The following AGPAT4 variants were observed in gnomAD, a reference collection of about 807,000 sequenced individuals.
AGPAT4 encodes the protein 1-acylglycerol-3-phosphate O-acyltransferase 4, also known as 1-acyl-sn-glycerol-3-phosphate acyltransferase delta.
In AGPAT4, 15 loss-of-function variants were observed where a neutral mutation model predicts 48.0. The observed-to-expected ratio is 0.31, with a 90% confidence interval of 0.21 to 0.48. AGPAT4 has a LOEUF of 0.48. AGPAT4 is among the 20% of genes least tolerant of loss of function. The pLI is 0.99. For missense variants in AGPAT4, 314 were observed against 482.5 expected, an observed-to-expected ratio of 0.65 and a Z score of 3.27; for synonymous variants, 178 against 198.7, an observed-to-expected ratio of 0.90 and a Z score of 0.88.
intron 2 of AGPAT4, among the ~76,000 whole-genome samples, chr6:161,167,643 T>G (rs1205862484): frequency 6.6e-6 from 1 of 152,120 alleles, no homozygotes; most frequent in Non-Finnish European, 1.5e-5. Flanking sequence ...CCAGTAAGCC[T>G]AGTGTTGTAG....
Position 161,270,174 on chromosome 6 carries a change from T to C in AGPAT4, c.-90+3764A>G, listed in dbSNP as rs546333197. Reference sequence around the variant, plus strand: ...AAACTGTATCTTGTTTTGCTCACAGTTGCATCTGTGGGACCTGACACCTAT... The same window carrying C: ...AAACTGTATCTTGTTTTGCTCACAGCTGCATCTGTGGGACCTGACACCTAT... On this transcript the variant is annotated intron_variant, in intron 1 of 8. Coordinates refer to ENST00000320285, the MANE Select transcript of AGPAT4 (RefSeq NM_020133.3). The surrounding 1 kb of genome is among the most constrained non-coding windows in gnomAD (Gnocchi z 5.3). 6.6e-6 allele frequency among the ~76,000 whole-genome samples: 1 copy of C among 152,362 alleles called. No homozygotes were observed. The highest frequency in any genetic ancestry group is 6.5e-5 in the Admixed American group (1 of 15,310).
intron 2 of AGPAT4, among the ~76,000 whole-genome samples, chr6:161,170,710 A>C (rs1310881877): frequency 6.6e-6 from 1 of 152,176 alleles, no homozygotes; most frequent in African/African-American, 2.4e-5. Flanking sequence ...TCCACCTGGC[A>C]GCCCCTTCTT....
rs923709444 is a variant in AGPAT4, at chr6:161,238,140, G to A, written c.-89-5838C>T. ...GTTGTTGGAGCTTCCGCTGTGGAGAGGGCACTGAGAGTCAGGCAGTCTGGC... is the reference window on the plus strand; with the variant it reads ...GTTGTTGGAGCTTCCGCTGTGGAGAAGGCACTGAGAGTCAGGCAGTCTGGC... On this transcript the variant is annotated intron_variant, in intron 1 of 8. Transcript: ENST00000320285. The surrounding 1 kb of genome is among the most constrained non-coding windows in gnomAD (Gnocchi z 5.2). Among the ~76,000 whole-genome samples the A allele has an allele frequency of 6.6e-6, 1 of 152,116 alleles. No individual in the cohort carries two copies. Among genetic ancestry groups the A allele is most frequent in the Non-Finnish European group, 1.5e-5 (1 of 68,016 alleles).
rs1417265986 is a variant in AGPAT4, at chr6:161,137,007, G to C, written c.1043-373C>G. On this transcript the variant is annotated intron_variant, in intron 8 of 8. Coordinates refer to ENST00000320285, the MANE Select transcript of AGPAT4 (RefSeq NM_020133.3). The surrounding 1 kb of genome is among the most constrained non-coding windows in gnomAD (Gnocchi z 6.1). Reference sequence around the variant, plus strand: ...AGGAAGTTAACAGGGCATGTTCAGCGAAGTTTTATAAAGAACAGACCAGGA... The same window carrying C: ...AGGAAGTTAACAGGGCATGTTCAGCCAAGTTTTATAAAGAACAGACCAGGA... 6.6e-6 allele frequency among the ~76,000 whole-genome samples: 1 copy of C among 152,196 alleles called. No homozygotes were observed. The highest frequency in any genetic ancestry group is 6.5e-5 in the Admixed American group (1 of 15,284).
chr6:161,153,476 T>C lies in AGPAT4; in HGVS notation c.534A>G (p.Thr178=), dbSNP rs2114965875. Residue 178 remains threonine (T), a synonymous_variant, in exon 5 of 9, where the codon ACA becomes ACG. Coordinates refer to ENST00000320285, the MANE Select transcript of AGPAT4 (RefSeq NM_020133.3). ...KYFFLIHCEG[T]RFTEKKHEIS... is the part of the protein sequence containing the mutation. ...TCTCATGCTTCTTCTCCGTGAACCG[T>C]GTGCCCTCACAGTGAATCAGGAACT... is the stretch of plus-strand genomic sequence containing the variant. The C allele has an allele frequency of 1.2e-6, 2 of 1,613,708 alleles. No homozygotes were observed. Among genetic ancestry groups the C allele is most frequent in the Non-Finnish European group, 1.7e-6 (2 of 1,179,890 alleles).
chr6:161,256,017 G>C lies in AGPAT4; in HGVS notation c.-90+17921C>G, dbSNP rs145944251. On this transcript the variant is annotated intron_variant, in intron 1 of 8. Coordinates refer to ENST00000320285, the MANE Select transcript of AGPAT4 (RefSeq NM_020133.3). ...CATGCTGTTTAGATGAAGGAAATGA[G>C]CTGCAGAAAGGAGTCAGGGAGTTTC... Among the ~76,000 whole-genome samples the C allele has an allele frequency of 5.1e-3, 773 of 152,254 alleles. 9 individuals carry two copies. The highest frequency in any genetic ancestry group is 0.018 in the African/African-American group (730 of 41,532).
rs895788786 is a variant in AGPAT4, at chr6:161,229,820, C to T, written c.178+2216G>A. ...TCGCTTGGCCCAAAGCCCTAGGAAG[C>T]CTTCCTCCGGGGACATAGGCAAAGG... is the stretch of plus-strand genomic sequence containing the variant. On this transcript the variant is annotated intron_variant, in intron 2 of 8. Coordinates refer to ENST00000320285, the MANE Select transcript of AGPAT4 (RefSeq NM_020133.3). The surrounding 1 kb of genome is among the most constrained non-coding windows in gnomAD (Gnocchi z 6.0). 7.9e-5 allele frequency among the ~76,000 whole-genome samples: 12 copies of T among 152,134 alleles called. No homozygotes were observed. Among genetic ancestry groups the T allele is most frequent in the African/African-American group, 2.9e-4 (12 of 41,420 alleles).
chr6:161,153,969 G>A (rs568582462), intron 4 of AGPAT4, 180 bp downstream of exon 4: 110 of 806,516 alleles, frequency 1.4e-4, no homozygotes, highest in African/African-American at 7.9e-4. Context: ...GTGGCCCCAC[G>A]GTCACACACG....
rs889630026 is a variant in AGPAT4, at chr6:161,161,209, G to A, written c.348+5039C>T. ...CTGCCAGAGGATCCTGGTCAACAAA[G>A]AAGAAGACCCCGGTGTGTCCAACGT... On this transcript the variant is annotated intron_variant, in intron 3 of 8. Transcript: ENST00000320285. This position sits in a 1 kb window ranked among gnomAD's most constrained non-coding sequence, Gnocchi z 4.6. 1 of 456,692 alleles carries A rather than the reference G, an allele frequency of 2.2e-6. No individual in the cohort carries two copies. The highest frequency in any genetic ancestry group is 1.5e-5 in the South Asian group (1 of 64,570). 28.3% of individuals were successfully genotyped at this position (456,692 alleles called of 1,614,324 possible).
rs1781105066 is a variant in AGPAT4 at position 161,197,604 on chromosome 6, C to T, written c.179-31187G>A. Reference sequence around the variant, plus strand: ...TCATGTTTTCCTCTCCTGAACCACTCTGCCTCCTTGCCAGACATCTTTACA... The same window carrying T: ...TCATGTTTTCCTCTCCTGAACCACTTTGCCTCCTTGCCAGACATCTTTACA... On this transcript the variant is annotated intron_variant, in intron 2 of 8. Transcript: ENST00000320285. This position sits in a 1 kb window ranked among gnomAD's most constrained non-coding sequence, Gnocchi z 5.7. Among the ~76,000 whole-genome samples the T allele has an allele frequency of 6.6e-6, 1 of 152,190 alleles. No homozygotes were observed. Among genetic ancestry groups the T allele is most frequent in the Non-Finnish European group, 1.5e-5 (1 of 68,034 alleles).
At chr6:161,160,104 A>ATTTTTTTTTTTTTTTTTTTTTTT (rs5881394) in intron 3 of AGPAT4, 1 of 74,008 alleles carries the variant, frequency 1.4e-5, no homozygotes, top group Non-Finnish European at 2.4e-5. Context: ...CACCCAGCTA[A>ATTTTTTTTTTTTTTTTTTTTTTT]TTTTTTTTTT....
Position 161,177,693 on chromosome 6 carries a change from G to A in AGPAT4, c.179-11276C>T, listed in dbSNP as rs191619273. Among the ~76,000 whole-genome samples, 46 of 152,260 alleles carry A rather than the reference G, an allele frequency of 3.0e-4. No homozygotes were observed. Among genetic ancestry groups the A allele is most frequent in the African/African-American group, 6.7e-4 (28 of 41,556 alleles). On this transcript the variant is annotated intron_variant, in intron 2 of 8. Transcript: ENST00000320285. The surrounding 1 kb of genome is among the most constrained non-coding windows in gnomAD (Gnocchi z 5.0). Reference sequence around the variant, plus strand: ...CCGTCCAGCTTTCTTCCATTGCTGCGAGGAGCTGCATTCCTTTGGAGTAGA... The same window carrying A: ...CCGTCCAGCTTTCTTCCATTGCTGCAAGGAGCTGCATTCCTTTGGAGTAGA...
rs1226115690 is a variant in AGPAT4 at position 161,177,662 on chromosome 6, C to A, written c.179-11245G>T. ...CCTTCTTTTCTCAACATGTCAAAGT[C>A]ATTCTCCGTCCAGCTTTCTTCCATT... is the stretch of plus-strand genomic sequence containing the variant. On this transcript the variant is annotated intron_variant, in intron 2 of 8. Transcript: ENST00000320285. The surrounding 1 kb of genome is among the most constrained non-coding windows in gnomAD (Gnocchi z 5.0). Among the ~76,000 whole-genome samples the A allele has an allele frequency of 1.3e-5, 2 of 152,204 alleles. No homozygotes were observed. The highest frequency in any genetic ancestry group is 4.8e-5 in the African/African-American group (2 of 41,464).
Position 161,220,668 on chromosome 6 carries a change from T to C in AGPAT4, c.178+11368A>G, listed in dbSNP as rs1328849666. Among the ~76,000 whole-genome samples, 1 of 152,198 alleles carries C rather than the reference T, an allele frequency of 6.6e-6. No homozygotes were observed. The highest frequency in any genetic ancestry group is 6.5e-5 in the Admixed American group (1 of 15,278). On this transcript the variant is annotated intron_variant, in intron 2 of 8. Coordinates refer to ENST00000320285, the MANE Select transcript of AGPAT4 (RefSeq NM_020133.3). The surrounding 1 kb of genome is among the most constrained non-coding windows in gnomAD (Gnocchi z 6.0). Reference sequence around the variant, plus strand: ...ATTTGTGACGGGTGTCCCTCTCCTATTGCCCTTCTGCCTTTCTCTATGTTT... The same window carrying C: ...ATTTGTGACGGGTGTCCCTCTCCTACTGCCCTTCTGCCTTTCTCTATGTTT...
chr6:161,191,774 A>T (rs1412204616), intron 2 of AGPAT4, among the ~76,000 whole-genome samples: 1 of 152,230 alleles, frequency 6.6e-6, no homozygotes, highest in East Asian at 1.9e-4. Context: ...AATCCATTCC[A>T]TAAGGATGTA....
chr6:161,227,341 G>A (rs769910270), intron 2 of AGPAT4, among the ~76,000 whole-genome samples: 1 of 152,194 alleles, frequency 6.6e-6, no homozygotes, highest in Non-Finnish European at 1.5e-5. Flanking sequence ...ATTCAAAATT[G>A]AGGCACCCTT....
Position 161,195,406 on chromosome 6 carries a change from C to G in AGPAT4, c.179-28989G>C, listed in dbSNP as rs1781043241. On this transcript the variant is annotated intron_variant, in intron 2 of 8. Coordinates refer to ENST00000320285, the MANE Select transcript of AGPAT4 (RefSeq NM_020133.3). This position sits in a 1 kb window ranked among gnomAD's most constrained non-coding sequence, Gnocchi z 5.0. ...AACACCTTTCATTATATGGCATGAC[C>G]TGCAAGGAATGCTTCCATCATTCCA... is the stretch of plus-strand genomic sequence containing the variant. Among the ~76,000 whole-genome samples, 1 of 152,200 alleles carries G rather than the reference C, an allele frequency of 6.6e-6. No homozygotes were observed. The highest frequency in any genetic ancestry group is 1.5e-5 in the Non-Finnish European group (1 of 68,040).
chr6:161,141,079 G>T lies in AGPAT4; in HGVS notation c.844-1459C>A, dbSNP rs12110827. Among the ~76,000 whole-genome samples, 1 of 151,944 alleles carries T rather than the reference G, an allele frequency of 6.6e-6. No individual in the cohort carries two copies. The highest frequency in any genetic ancestry group is 6.6e-5 in the Admixed American group (1 of 15,266). On this transcript the variant is annotated intron_variant, in intron 7 of 8. Transcript: ENST00000320285. This position sits in a 1 kb window ranked among gnomAD's most constrained non-coding sequence, Gnocchi z 6.7. Reference sequence around the variant, plus strand: ...ATACTTTTCTTCTTTTTCATTCAGGGTGTACTGAATCATAGGCTTTCTTGG... The same window carrying T: ...ATACTTTTCTTCTTTTTCATTCAGGTTGTACTGAATCATAGGCTTTCTTGG...
chr6:161,183,534 C>G (rs535867520), intron 2 of AGPAT4, among the ~76,000 whole-genome samples: 2 of 149,926 alleles, frequency 1.3e-5, no homozygotes, highest in Non-Finnish European at 1.5e-5. Flanking sequence ...GCAGCAGAAT[C>G]GCTTGAACCC....
Sources: gnomAD v4.1 joint callset for allele counts (sites outside exome capture counted in the v4.1 genomes callset) on GRCh38, gnomAD v4.1.1 for gene constraint, Gnocchi (gnomAD v3.1) non-coding constraint, MANE v1.5 for transcripts, NCBI Gene and HGNC (gene_info 2026-07-23, HGNC 2026-07-21) for gene names.